Variants in TBC1D26 observed in about 807,000 individuals in gnomAD.
TBC1D26 encodes the protein TBC1 domain family, member 26.
TBC1D26 carries 19 observed loss-of-function variants against 42.5 expected under a neutral mutation model. The ratio of observed to expected loss-of-function variants is 0.45; its 90% CI spans 0.31 to 0.66. The LOEUF is 0.66. TBC1D26 is among the 30% of genes least tolerant of loss of function. TBC1D26 has a pLI of 0.06. For missense variants in TBC1D26, 228 were observed against 332.6 expected, an observed-to-expected ratio of 0.69 and a Z score of 2.45; for synonymous variants, 97 against 123.5, an observed-to-expected ratio of 0.79 and a Z score of 1.42.
chr17:15,737,936 T>C (rs1967663080), intron 5 of TBC1D26, 61 bp from the exon 6 acceptor site: 1 of 1,611,062 alleles, frequency 6.2e-7, no homozygotes, highest in South Asian at 1.1e-5. Flanking sequence ...GGACCCAGCA[T>C]CCACGGGCCA....
Position 15,741,728 on chromosome 17 carries a change from G to A in TBC1D26, c.647-214G>A. ...GCCTGCCTTGTGGTGTCAAATGCAGGCTGCCCTCCTGGCACCTGGACCCAG... is the reference window on the plus strand; with the variant it reads ...GCCTGCCTTGTGGTGTCAAATGCAGACTGCCCTCCTGGCACCTGGACCCAG... On this transcript the variant is annotated intron_variant, in intron 10 of 14. Transcript: ENST00000437605. 3 of 569,826 alleles carry A rather than the reference G, an allele frequency of 5.3e-6. No individual in the cohort carries two copies. In the South Asian group the frequency reaches 6.6e-5, roughly 13 times the overall value. 35.3% of individuals were successfully genotyped at this position (569,826 alleles called of 1,614,324 possible). A position where few individuals can be genotyped will look rare whatever the true frequency, so the allele number is the denominator to read the frequency against.
intron 6 of TBC1D26, 57 bp from the exon 7 acceptor site, chr17:15,738,222 CT>C: frequency 6.2e-7 from 1 of 1,608,890 alleles, no homozygotes; most frequent in Non-Finnish European, 8.5e-7. Flanking sequence ...TGTTCGCCAG[CT>C]TTGCTCTGCG....
intron 13 of TBC1D26, among the ~76,000 whole-genome samples, 176 bp downstream of exon 13, chr17:15,743,184 G>A (rs1378689614): frequency 6.6e-6 from 1 of 152,058 alleles, no homozygotes; most frequent in Non-Finnish European, 1.5e-5. Context: ...TGAAAATCAG[G>A]AGTGTGGTGA....
intron 9 of TBC1D26, 80 bp downstream of exon 9, chr17:15,740,228 C>G: frequency 6.2e-7 from 1 of 1,613,448 alleles, no homozygotes; most frequent in Non-Finnish European, 8.5e-7. Context: ...GGTGTTGCAA[C>G]TTCTTGAAAA....
rs916808410 is a variant in TBC1D26 at position 15,738,965 on chromosome 17, C to G, written c.497+135C>G. Reference sequence around the variant, plus strand: ...CCAAGGGCTCTCCTGGCCCAGGGAGCAGCCGGCACCATGGACTGAGCATCT... The same window carrying G: ...CCAAGGGCTCTCCTGGCCCAGGGAGGAGCCGGCACCATGGACTGAGCATCT... On this transcript the variant is annotated intron_variant, in intron 8 of 14. Transcript: ENST00000437605. 3.3e-5 allele frequency: 42 copies of G among 1,268,426 alleles called. No homozygotes were observed. In the African/African-American group the frequency reaches 5.1e-4, roughly 15 times the overall value. 78.6% of individuals were successfully genotyped at this position (1,268,426 alleles called of 1,614,324 possible). A position where few individuals can be genotyped will look rare whatever the true frequency, so the allele number is the denominator to read the frequency against.
Position 15,735,621 on chromosome 17 carries a change from G to A in TBC1D26, c.100G>A (p.Asp34Asn), listed in dbSNP as rs1163697075. 8.5e-6 allele frequency: 7 copies of A among 821,206 alleles called. No individual in the cohort carries two copies. The highest frequency in any genetic ancestry group is 1.4e-5 in the Non-Finnish European group (7 of 516,072). The allele number at this position is 821,206 out of a possible 1,614,324, so 50.9% of individuals were successfully genotyped here. The change falls in exon 4 of 15, where the codon GAC (aspartate) becomes AAC (asparagine). Residue 34 changes from aspartate (D) to asparagine (N), a missense_variant. Transcript: ENST00000437605. ...GGGACACCGAGCTGGGGCAGCAGTGGACTTGGGGCATGAGCAGGTTGATGT... is the reference window on the plus strand; with the variant it reads ...GGGACACCGAGCTGGGGCAGCAGTGAACTTGGGGCATGAGCAGGTTGATGT... ...EQGHRAGAAV[D>N]LGHEQVDVRK... is the part of the protein sequence containing the mutation.
At chr17:15,737,898 T>C (rs1967662227) in intron 5 of TBC1D26, 99 bp from the exon 6 acceptor site, 1 of 1,507,772 alleles carries the variant, frequency 6.6e-7, no homozygotes, top group East Asian at 2.3e-5. Context: ...CTTCTTCAAG[T>C]TGGGTCCCTT....
In TBC1D26 at chr17:15,735,693, C is replaced by G. The variant is rs201255243; in HGVS notation, c.158+14C>G. The G allele has an allele frequency of 2.0e-6, 1 of 506,034 alleles. No homozygotes were observed. Among genetic ancestry groups the G allele is most frequent in the Non-Finnish European group, 3.6e-6 (1 of 277,118 alleles). 31.3% of individuals were successfully genotyped at this position (506,034 alleles called of 1,614,324 possible). ...CGGGATTGTGCAGTAAGTCCTCTGT[C>G]CCCCCGACCCCAGCCACCAATCTCA... On this transcript the variant is annotated intron_variant, in intron 4 of 14. Transcript: ENST00000437605.
At chr17:15,741,803 G>C in intron 10 of TBC1D26, 139 bp from the exon 11 acceptor site, 1 of 750,622 alleles carries the variant, frequency 1.3e-6, no homozygotes, top group Non-Finnish European at 2.2e-6. Context: ...CCAGGGCTGA[G>C]GCTACATGCT....
At chr17:15,742,325 C>T in intron 11 of TBC1D26, 89 bp from the exon 12 acceptor site, 1 of 458,948 alleles carries the variant, frequency 2.2e-6, no homozygotes, top group Non-Finnish European at 4.0e-6. Context: ...CTGGGTTGTG[C>T]CATTAAGGAA....
chr17:15,738,457 T>G, intron 7 of TBC1D26, 70 bp downstream of exon 7: 1 of 1,568,836 alleles, frequency 6.4e-7, no homozygotes, highest in Non-Finnish European at 8.7e-7. Flanking sequence ...GGACTCCAGC[T>G]GGAGGGAACG....
intron 9 of TBC1D26, chr17:15,740,469 C>T: frequency 7.6e-7 from 1 of 1,316,046 alleles, no homozygotes; most frequent in Non-Finnish European, 9.7e-7. Context: ...CCTGATGGGC[C>T]AGGCACTTGT....
intron 5 of TBC1D26, 129 bp from the exon 6 acceptor site, chr17:15,737,868 T>C (rs1967661519): frequency 8.3e-7 from 1 of 1,208,136 alleles, no homozygotes; most frequent in East Asian, 2.4e-5. Flanking sequence ...TCTCAGCCCC[T>C]GGGGCCTGCC....
intron 5 of TBC1D26, 125 bp from the exon 6 acceptor site, chr17:15,737,872 G>C: frequency 8.0e-7 from 1 of 1,244,570 alleles, no homozygotes; most frequent in South Asian, 1.3e-5. Flanking sequence ...AGCCCCTGGG[G>C]CCTGCCCTTT....
At chr17:15,741,493 G>T in intron 10 of TBC1D26, 1 of 533,848 alleles carries the variant, frequency 1.9e-6, no homozygotes, top group Non-Finnish European at 3.3e-6. Flanking sequence ...GTCGTCCGAA[G>T]CCAGCCCCAA....
At chr17:15,735,872 T>G (rs1200506871) in intron 4 of TBC1D26, 193 bp downstream of exon 4, 1 of 632,936 alleles carries the variant, frequency 1.6e-6, no homozygotes, top group East Asian at 2.7e-5. Flanking sequence ...CATGACACAT[T>G]TAGGGAGCTC....
At chr17:15,742,682 G>A (rs1967822533) in intron 12 of TBC1D26, among the ~76,000 whole-genome samples, 1 of 152,238 alleles carries the variant, frequency 6.6e-6, no homozygotes, top group Admixed American at 6.5e-5. Context: ...CGAGGGCCCA[G>A]GGAAGCCCAA....
Position 15,738,650 on chromosome 17 carries a change from G to A in TBC1D26, c.388-71G>A, listed in dbSNP as rs189009005. The A allele has an allele frequency of 5.0e-6, 8 of 1,602,684 alleles. No individual in the cohort carries two copies. The Admixed American group carries it at 1.3e-4, about 27-fold the overall frequency. On this transcript the variant is annotated intron_variant, in intron 7 of 14. Coordinates refer to ENST00000437605, the MANE Select transcript of TBC1D26 (RefSeq NM_001388465.1). ...CTTCCAGAAGTGCTGACTGTGGGAT[G>A]ACTGCCGTTTGGGGCAGGGAGTCTT...
chr17:15,735,245 G>A, intron 2 of TBC1D26, 103 bp from the exon 3 acceptor site: 1 of 1,094,724 alleles, frequency 9.1e-7, no homozygotes, highest in Non-Finnish European at 1.4e-6. Context: ...AGTGGAATGG[G>A]GCTCACCAGA....
Sources: allele counts gnomAD v4.1 joint callset (sites outside exome capture counted in the v4.1 genomes callset), GRCh38; gene constraint gnomAD v4.1.1; transcripts MANE v1.5; gene names NCBI Gene and HGNC (gene_info 2026-07-23, HGNC 2026-07-21).